The following PTPRT variants were observed in gnomAD, a reference collection of about 807,000 sequenced individuals.
PTPRT encodes the protein protein tyrosine phosphatase receptor type T.
PTPRT carries 56 observed loss-of-function variants against 176.8 expected under a neutral mutation model. That is an observed-to-expected ratio of 0.32 (90% CI 0.26 to 0.40). The LOEUF is 0.40. Ranked by LOEUF, PTPRT falls within the 10% of genes least tolerant of loss-of-function variation. The pLI is 1.00. For missense variants in PTPRT, 1,540 were observed against 1,908.2 expected (o/e 0.81, Z 3.60); for synonymous variants, 783 against 739.0 (o/e 1.06, Z -0.96).
rs531148990 is a variant in PTPRT, at chr20:42,192,411, G to T, written c.2491+6829C>A. On this transcript the variant is annotated intron_variant, in intron 16 of 30. Coordinates refer to ENST00000373187, the MANE Select transcript of PTPRT (RefSeq NM_007050.6). ...AATAATCTGGCTAAAATTTTGCCTG[G>T]TACTTCCTTCTGCCTGCCTCATCTC... 6.7e-4 allele frequency among the ~76,000 whole-genome samples: 102 copies of T among 152,234 alleles called. 1 individual carries two copies. Among genetic ancestry groups the T allele is most frequent in the African/African-American group, 2.2e-3 (91 of 41,544 alleles).
At chr20:43,126,721 A>G (rs1600730339) in intron 1 of PTPRT, among the ~76,000 whole-genome samples, 1 of 151,860 alleles carries the variant, frequency 6.6e-6, no homozygotes, top group South Asian at 2.1e-4. Context: ...GAATGACACC[A>G]CCCCCTCCAG....
At chr20:42,468,916 A>G (rs2071145638) in intron 8 of PTPRT, among the ~76,000 whole-genome samples, 1 of 152,156 alleles carries the variant, frequency 6.6e-6, no homozygotes. Context: ...TTCTCATATC[A>G]GGCACCAAGC....
At chr20:43,051,831 T>C (rs1987057748) in intron 1 of PTPRT, among the ~76,000 whole-genome samples, 1 of 152,034 alleles carries the variant, frequency 6.6e-6, no homozygotes, top group Non-Finnish European at 1.5e-5. Flanking sequence ...GGTAGATAAG[T>C]AAAATCCTAT....
At chr20:42,110,544 G>T in intron 22 of PTPRT, 57 bp from the exon 23 acceptor site, 1 of 1,527,414 alleles carries the variant, frequency 6.5e-7, no homozygotes, top group Admixed American at 1.9e-5. Flanking sequence ...ACCCAGCCCA[G>T]CAACACGTGG....
the PTPRT span, among the ~76,000 whole-genome samples, chr20:42,040,187 G>A: frequency 5.9e-4 from 89 of 152,112 alleles, no homozygotes; most frequent in African/African-American, 2.1e-3. Context: ...CTGATAATTA[G>A]TGCACAGTGC....
chr20:42,084,744 T>C lies in PTPRT; in HGVS notation c.4074A>G (p.Arg1358=). The change falls in exon 29 of 31, where the codon CGA becomes CGG. Residue 1358 remains arginine, a synonymous_variant. Transcript: ENST00000373187. The part of the protein sequence containing the change: ...PSKRSLLKVV[R]RLEKWQEQYD... ...ACTGCTCCTGCCACTTCTCCAGTCG[T>C]CGGACCACTTTGAGCAGAGAGCGCT... 1 of 1,568,652 alleles carries C rather than the reference T, an allele frequency of 6.4e-7. No individual in the cohort carries two copies. Among genetic ancestry groups the C allele is most frequent in the Non-Finnish European group, 8.7e-7 (1 of 1,154,240 alleles).
At chr20:43,102,644 G>A (rs964456684) in intron 1 of PTPRT, among the ~76,000 whole-genome samples, 12 of 152,150 alleles carry the variant, frequency 7.9e-5, no homozygotes, top group African/African-American at 2.9e-4. Context: ...GTGCAGAGCA[G>A]GCTGGAAGTG....
At chr20:42,377,811 G>A (rs541866482) in intron 9 of PTPRT, among the ~76,000 whole-genome samples, 109 of 152,344 alleles carry the variant, frequency 7.2e-4, no homozygotes, top group Non-Finnish European at 5.6e-4. Context: ...AAAGAAAAGT[G>A]AAGGAAGAGA....
the PTPRT span, among the ~76,000 whole-genome samples, chr20:42,067,329 C>A: frequency 1.3e-5 from 2 of 152,274 alleles, no homozygotes; most frequent in East Asian, 3.9e-4. Context: ...GAACGCACGC[C>A]CCCATCTGTT....
At chr20:42,741,467 C>A (rs540476230) in intron 6 of PTPRT, among the ~76,000 whole-genome samples, 22 of 152,218 alleles carry the variant, frequency 1.4e-4, no homozygotes, top group African/African-American at 5.3e-4. Flanking sequence ...GCCTCAGTAT[C>A]CCGAGTAGTT....
chr20:43,096,742 T>C (rs949708183), intron 1 of PTPRT, among the ~76,000 whole-genome samples: 5 of 152,214 alleles, frequency 3.3e-5, no homozygotes, highest in African/African-American at 1.2e-4. Flanking sequence ...GGCTGGAATC[T>C]AGTGCATTGC....
chr20:42,074,478 C>G lies in PTPRT; in HGVS notation c.*6401G>C, dbSNP rs571947570. ...TCCAACACTTCAAGGCCACCAGACA[C>G]TCATTCTCCGAACATTCCAATTAAG... On this transcript the variant is annotated 3_prime_UTR_variant, in exon 31 of 31. Coordinates refer to ENST00000373187, the MANE Select transcript of PTPRT (RefSeq NM_007050.6). The G allele has an allele frequency of 3.2e-6, 1 of 315,078 alleles. No homozygotes were observed. The highest frequency in any genetic ancestry group is 4.7e-5 in the East Asian group (1 of 21,434). 19.5% of individuals were successfully genotyped at this position (315,078 alleles called of 1,614,324 possible).
chr20:42,941,776 A>G (rs749093842), intron 1 of PTPRT, among the ~76,000 whole-genome samples: 54 of 152,286 alleles, frequency 3.5e-4, no homozygotes, highest in Non-Finnish European at 5.7e-4. Context: ...TGAGGTTAGG[A>G]AAGGAACTAT....
At chr20:43,007,755 C>T (rs1984924865) in intron 1 of PTPRT, among the ~76,000 whole-genome samples, 1 of 152,126 alleles carries the variant, frequency 6.6e-6, no homozygotes, top group Non-Finnish European at 1.5e-5. Flanking sequence ...AGAATCATTC[C>T]CTGGCCCAGT....
chr20:42,138,858 G>A (rs946970120), intron 18 of PTPRT, among the ~76,000 whole-genome samples: 1 of 152,178 alleles, frequency 6.6e-6, no homozygotes, highest in African/African-American at 2.4e-5. Context: ...TTTGTAGGCA[G>A]TGCCCTCCCT....
intron 16 of PTPRT, among the ~76,000 whole-genome samples, chr20:42,185,308 C>T (rs371652943): frequency 3.9e-5 from 6 of 152,120 alleles, no homozygotes; most frequent in African/African-American, 1.4e-4. Flanking sequence ...GTTCTTCCAT[C>T]GGGAGGGCCA....
At chr20:43,103,778 C>A (rs1214549117) in intron 1 of PTPRT, among the ~76,000 whole-genome samples, 1 of 90,582 alleles carries the variant, frequency 1.1e-5, no homozygotes, top group East Asian at 2.6e-4. Flanking sequence ...ATAATAATAA[C>A]TAAAAAGATT....
chr20:42,198,556 G>C (rs935708904), intron 16 of PTPRT, among the ~76,000 whole-genome samples: 1 of 152,164 alleles, frequency 6.6e-6, no homozygotes, highest in Non-Finnish European at 1.5e-5. Flanking sequence ...CTGTCCACAA[G>C]GAAGCCTTAG....
intron 9 of PTPRT, among the ~76,000 whole-genome samples, chr20:42,356,485 G>A (rs1036018923): frequency 1.2e-4 from 18 of 151,974 alleles, no homozygotes; most frequent in South Asian, 8.3e-4. Flanking sequence ...ACCTGAGGTC[G>A]GGAGTTCGAG....
Sources: gnomAD v4.1 joint callset for allele counts (sites outside exome capture counted in the v4.1 genomes callset) on GRCh38, gnomAD v4.1.1 for gene constraint, MANE v1.5 for transcripts, NCBI Gene and HGNC (gene_info 2026-07-23, HGNC 2026-07-21) for gene names.